The following GNAT2 variants were observed in gnomAD, a reference collection of about 807,000 sequenced individuals.
GNAT2 encodes G protein subunit alpha transducin 2.
A neutral mutation model predicts 40.9 loss-of-function variants in GNAT2; 32 were observed. That is an observed-to-expected ratio of 0.78 (90% CI 0.59 to 1.05). The LOEUF is 1.05. Ranked by LOEUF, GNAT2 falls within the 50% of genes least tolerant of loss-of-function variation. GNAT2 has a pLI of 0.00. For missense variants in GNAT2, 355 were observed against 431.5 expected, an observed-to-expected ratio of 0.82 and a Z score of 1.57; for synonymous variants, 141 against 157.2, an observed-to-expected ratio of 0.90 and a Z score of 0.77.
chr1:109,605,520 C>T (rs1649566184), intron 7 of GNAT2: 1 of 283,310 alleles, frequency 3.5e-6, no homozygotes, highest in African/African-American at 2.2e-5. Flanking sequence ...CATTTTTAGC[C>T]TCCTAAGTGG....
At chr1:109,613,338 A>G (rs1002549975) in intron 1 of GNAT2, 3 of 235,126 alleles carry the variant, frequency 1.3e-5, no homozygotes, top group African/African-American at 6.8e-5. Context: ...TGTAGAAAGC[A>G]TTCCTTATGT....
chr1:109,616,978 G>C (rs1270167027), intron 1 of GNAT2: 1 of 152,234 alleles, frequency 6.6e-6, no homozygotes, highest in African/African-American at 2.4e-5. Flanking sequence ...AATGGCAAGG[G>C]GTTTGACTAA....
intron 1 of GNAT2, chr1:109,613,978 A>G (rs1649877695): frequency 6.6e-6 from 1 of 152,210 alleles, no homozygotes; most frequent in South Asian, 2.1e-4. Context: ...CAGTCTAGCA[A>G]CTGCCTCACA....
chr1:109,607,017 A>C (rs1649617921), intron 5 of GNAT2: 1 of 158,768 alleles, frequency 6.3e-6, no homozygotes, highest in Admixed American at 6.0e-5. Flanking sequence ...AATTTGCTTC[A>C]AAATAATCCA....
chr1:109,613,004 T>G, intron 1 of GNAT2, 81 bp from the exon 2 acceptor site: 2 of 755,642 alleles, frequency 2.6e-6, no homozygotes, highest in Admixed American at 3.4e-5. Flanking sequence ...GTCTGTACGA[T>G]GGCAGGTGAG....
chr1:109,610,681 T>C (rs1649768014), intron 2 of GNAT2, 174 bp from the exon 3 acceptor site: 1 of 681,014 alleles, frequency 1.5e-6, no homozygotes. Flanking sequence ...CCATTCAACC[T>C]GGATTTAGAG....
In GNAT2 at chr1:109,608,716, C is replaced by A. The variant is rs1433982050; in HGVS notation, c.376G>T (p.Val126Phe). 6 of 1,613,858 alleles carry A rather than the reference C, an allele frequency of 3.7e-6. No homozygotes were observed. Among genetic ancestry groups the A allele is most frequent in the Non-Finnish European group, 5.1e-6 (6 of 1,179,724 alleles). The change falls in exon 5 of 9, where the codon GTC becomes TTC. Residue 126 changes from valine (V) to phenylalanine (F), a missense_variant. Physicochemically the swap from Val to Phe is conservative, Grantham distance 50 (BLOSUM62 -1). Transcript: ENST00000679935. The stretch of plus-strand genomic sequence containing the variant: ...CCATCCTTCCACAACCTCCTAATGA[C>A]CTCCACGAGCTCAGGAGGCATGGTT... ...EGTMPPELVE[V>F]IRRLWKDGGV...
intron 8 of GNAT2, 168 bp from the exon 9 acceptor site, chr1:109,603,712 G>A (rs1570560786): frequency 4.4e-6 from 3 of 677,110 alleles, no homozygotes; most frequent in East Asian, 5.4e-5. Flanking sequence ...TCTCACTTTA[G>A]TTGAAAAGAA....
chr1:109,604,580 TCA>T (rs1649536561), intron 7 of GNAT2: 1 of 183,842 alleles, frequency 5.4e-6, no homozygotes, highest in Non-Finnish European at 1.2e-5. Context: ...GTCCCAGATC[TCA>T]GTTTGGGCTA....
At chr1:109,603,589 T>C (rs1570560712) in intron 8 of GNAT2, 45 bp from the exon 9 acceptor site, 2 of 1,257,290 alleles carry the variant, frequency 1.6e-6, no homozygotes, top group Non-Finnish European at 2.3e-6. Flanking sequence ...AAATGAACCC[T>C]TGTTAGTTGC....
rs1649598038 is a variant in GNAT2, at chr1:109,606,404, GGGTCT to G, written c.489_493del (p.Asp164Ter). 1 of 1,612,408 alleles carries G rather than the reference GGGTCT, an allele frequency of 6.2e-7. No individual in the cohort carries two copies. Among genetic ancestry groups the G allele is most frequent in the African/African-American group, 1.3e-5 (1 of 74,896 alleles). On this transcript the variant is annotated frameshift_variant, in exon 6 of 9. Transcript: ENST00000679935. LOFTEE classifies it high-confidence loss of function. ...ATCTTGCTCACTAGGGAGGTACTCA[GGGTCT>G]GTAATTCGTTCTAATTGGTTCAGGT...
chr1:109,613,124 G>T (rs1332555280), intron 1 of GNAT2: 6 of 471,610 alleles, frequency 1.3e-5, no homozygotes. Flanking sequence ...CTAGCAATGT[G>T]ATAGGTCAAG....
At chr1:109,606,232 G>C in intron 6 of GNAT2, 76 bp downstream of exon 6, 2 of 1,572,656 alleles carry the variant, frequency 1.3e-6, no homozygotes, top group Non-Finnish European at 1.8e-6. Context: ...TTCACCAAAG[G>C]CCAAGAAGCC....
chr1:109,612,810 T>C lies in GNAT2; in HGVS notation c.61A>G (p.Lys21Glu), dbSNP rs1158649430. 4 of 1,613,654 alleles carry C rather than the reference T, an allele frequency of 2.5e-6. No homozygotes were observed. The highest frequency in any genetic ancestry group is 1.3e-5 in the African/African-American group (1 of 74,912). ...TTATCAGCATCCTCCTGCAGCTTCT[T>C]TTCTAGCTCCTTGGACCTCTTGGCC... ...ELAKRSKELE[K>E]KLQEDADKEA... is the part of the protein sequence containing the mutation. Residue 21 changes from lysine (K) to glutamate (E), a missense_variant, in exon 2 of 9, where the codon AAG becomes GAG. By Grantham distance (56) the Lys-to-Glu change is moderately conservative (BLOSUM62 1). Coordinates refer to ENST00000679935, the MANE Select transcript of GNAT2 (RefSeq NM_001377295.2).
In GNAT2 at chr1:109,603,320, G is replaced by A; in HGVS notation, c.*34C>T. The A allele has an allele frequency of 8.1e-7, 1 of 1,235,318 alleles. No homozygotes were observed. The highest frequency in any genetic ancestry group is 1.2e-5 in the South Asian group (1 of 83,304). The allele number at this position is 1,235,318 out of a possible 1,614,324, so 76.5% of individuals were successfully genotyped here. ...TTTTAATTACCCAGATTCCAAGCCT[G>A]TTTATAGAACTTATACCTGAGGAAT... On this transcript the variant is annotated 3_prime_UTR_variant, in exon 9 of 9. Transcript: ENST00000679935.
intron 1 of GNAT2, chr1:109,615,880 T>A (rs1649940290): frequency 6.6e-6 from 1 of 152,294 alleles, no homozygotes; most frequent in Non-Finnish European, 1.5e-5. Context: ...AGAGAAAGCA[T>A]GGACAAATGC....
At chr1:109,612,713 GA>G (rs754140721) in intron 2 of GNAT2, 39 bp downstream of exon 2, 1 of 1,219,274 alleles carries the variant, frequency 8.2e-7, no homozygotes, top group South Asian at 1.2e-5. Context: ...AAGTAGGAAG[GA>G]CCCCTGCCTT....
intron 5 of GNAT2, 154 bp downstream of exon 5, chr1:109,608,477 G>T: frequency 1.3e-6 from 1 of 746,404 alleles, no homozygotes; most frequent in African/African-American, 1.7e-5. Flanking sequence ...CATTGCTGAA[G>T]CCTAACAAAA....
chr1:109,608,529 A>G lies in GNAT2; in HGVS notation c.461+102T>C, dbSNP rs528256930. On this transcript the variant is annotated intron_variant, in intron 5 of 8. Coordinates refer to ENST00000679935, the MANE Select transcript of GNAT2 (RefSeq NM_001377295.2). ...ATTCAGTCTGGGTCTCCAGCTTTCA[A>G]TGCCTGAAATTTTGGGTTGGGTGAG... 3.7e-6 allele frequency: 4 copies of G among 1,075,268 alleles called. No individual in the cohort carries two copies. In the South Asian group the frequency reaches 3.8e-5, roughly 10 times the overall value. The allele number at this position is 1,075,268 out of a possible 1,614,324, so 66.6% of individuals were successfully genotyped here.
Sources: allele counts gnomAD v4.1 joint callset, GRCh38; gene constraint gnomAD v4.1.1; transcripts MANE v1.5; gene names NCBI Gene and HGNC (gene_info 2026-07-23, HGNC 2026-07-21).